Variants in CHEK1 observed in about 807,000 individuals in gnomAD.
CHEK1 encodes serine/threonine-protein kinase Chk1.
A neutral mutation model predicts 60.2 loss-of-function variants in CHEK1; 32 were observed. The observed-to-expected ratio is 0.53, with a 90% CI of 0.40 to 0.71. CHEK1 has a LOEUF of 0.71. CHEK1 is among the 30% of genes least tolerant of loss of function. CHEK1 has a pLI of 0.00. For synonymous variants in CHEK1, 179 were observed against 187.2 expected (o/e 0.96, Z 0.36); for missense variants, 399 against 564.6 (o/e 0.71, Z 2.97).
In CHEK1 at chr11:125,655,646, C is replaced by T. The variant is rs142447277; in HGVS notation, c.*326C>T. ...ATGAGTTTTCCAGCTTTTATACACA[C>T]GTATCTCATTTTTATCAAAACATTT... On this transcript the variant is annotated 3_prime_UTR_variant, in exon 13 of 13. Coordinates refer to ENST00000438015, the MANE Select transcript of CHEK1 (RefSeq NM_001114122.3). The T allele has an allele frequency of 1.4e-4, 35 of 244,692 alleles. No homozygotes were observed. Among genetic ancestry groups the T allele is most frequent in the African/African-American group, 7.7e-4 (35 of 45,574 alleles). The allele number at this position is 244,692 out of a possible 1,614,324, so 15.2% of individuals were successfully genotyped here.
downstream of CHEK1, among the ~76,000 whole-genome samples, chr11:125,659,511 TG>T (rs1591426219): frequency 1.3e-5 from 2 of 152,160 alleles, no homozygotes; most frequent in African/African-American, 2.4e-5. Flanking sequence ...CAAATTTTTA[TG>T]TGTACTATTT....
At chr11:125,627,526 G>C in intron 2 of CHEK1, 81 bp from the exon 3 acceptor site, 1 of 1,208,582 alleles carries the variant, frequency 8.3e-7, no homozygotes, top group South Asian at 1.6e-5. Flanking sequence ...AGGTAAAATC[G>C]TTTTGGATGA....
chr11:125,660,347 A>G (rs1161368678), downstream of CHEK1, among the ~76,000 whole-genome samples: 1 of 152,170 alleles, frequency 6.6e-6, no homozygotes, highest in Non-Finnish European at 1.5e-5. Context: ...AAGCATGTTA[A>G]AATTTACTAT....
intron 13 of CHEK1, among the ~76,000 whole-genome samples, chr11:125,666,965 T>C (rs770806679): frequency 5.2e-4 from 78 of 150,914 alleles, no homozygotes; most frequent in Non-Finnish European, 8.1e-4. Context: ...TTGTTGTTGT[T>C]GTTGTTTTGT....
intron 13 of CHEK1, chr11:125,671,397 A>T (rs1942199794): frequency 1.3e-5 from 2 of 152,004 alleles, no homozygotes; most frequent in South Asian, 4.1e-4. Flanking sequence ...ATACTATTTT[A>T]TCTAGGGGTA....
chr11:125,641,391 T>C (rs967725588), intron 8 of CHEK1, among the ~76,000 whole-genome samples: 2 of 152,206 alleles, frequency 1.3e-5, no homozygotes, highest in Non-Finnish European at 2.9e-5. Context: ...TCTATGGATC[T>C]CCTTTGTTTT....
At chr11:125,652,195 G>T (rs1269789189) in intron 11 of CHEK1, among the ~76,000 whole-genome samples, 1 of 152,200 alleles carries the variant, frequency 6.6e-6, no homozygotes, top group Non-Finnish European at 1.5e-5. Context: ...TCATCCAGCT[G>T]TAGTCATTTG....
At chr11:125,663,141 AAAAAC>A (rs1479728112) in intron 13 of CHEK1, among the ~76,000 whole-genome samples, 4 of 152,018 alleles carry the variant, frequency 2.6e-5, no homozygotes, top group Admixed American at 1.3e-4. Context: ...GTGAAAAAAA[AAAAAC>A]AAATATGTCT....
At chr11:125,676,945 A>T (rs1245047287), downstream of CHEK1, among the ~76,000 whole-genome samples, 1 of 152,008 alleles carries the variant, frequency 6.6e-6, no homozygotes, top group Admixed American at 6.6e-5. Flanking sequence ...GTCCTTCTCC[A>T]TTTTCAAATT....
chr11:125,672,390 TTGGAGCAGGGAAGAC>T, intron 13 of CHEK1: 1 of 530,918 alleles, frequency 1.9e-6, no homozygotes, highest in Non-Finnish European at 3.2e-6. Context: ...AGAGAAAGAG[TTGGAGCAGGGAAGAC>T]AGGACAGAGA....
chr11:125,626,286 C>T, intron 1 of CHEK1: 1 of 497,934 alleles, frequency 2.0e-6, no homozygotes, highest in Non-Finnish European at 3.6e-6. Flanking sequence ...AGTTTGGCCC[C>T]GCCCCGGCCT....
intron 8 of CHEK1, among the ~76,000 whole-genome samples, chr11:125,638,806 A>G (rs1417944081): frequency 6.6e-6 from 1 of 152,122 alleles, no homozygotes; most frequent in Non-Finnish European, 1.5e-5. Context: ...TATTTTCGTC[A>G]TGATTCTTGG....
At chr11:125,626,486 A>C (rs962313272) in intron 1 of CHEK1, 9 of 508,810 alleles carry the variant, frequency 1.8e-5, no homozygotes, top group Non-Finnish European at 2.8e-5. Context: ...TCTTCATAAC[A>C]ACAATTAATT....
At chr11:125,626,475 C>T (rs1204243636) in intron 1 of CHEK1, 1 of 492,220 alleles carries the variant, frequency 2.0e-6, no homozygotes, top group Admixed American at 3.5e-5. Flanking sequence ...TGTCTCCCAC[C>T]TCTTCATAAC....
At chr11:125,626,714 A>G (rs926560464) in intron 1 of CHEK1, 35 bp from the exon 2 acceptor site, 2 of 1,601,258 alleles carry the variant, frequency 1.2e-6, no homozygotes, top group Non-Finnish European at 1.7e-6. Context: ...GTGATCTTAC[A>G]CTCTACATCT....
At chr11:125,642,818 T>C (rs1485610281) in intron 8 of CHEK1, 1 of 152,216 alleles carries the variant, frequency 6.6e-6, no homozygotes, top group Non-Finnish European at 1.5e-5. Context: ...CTAATGGCTT[T>C]ATTTTTTCTC....
chr11:125,655,195 CATA>C (rs1941869521), intron 12 of CHEK1, 27 bp from the exon 13 acceptor site: 3 of 1,541,402 alleles, frequency 1.9e-6, no homozygotes, highest in Admixed American at 1.8e-5. Context: ...TTTGTTTTGA[CATA>C]ATTTTTTAAT....
At chr11:125,643,756 A>C (rs767868640) in intron 8 of CHEK1, 36 bp from the exon 9 acceptor site, 1 of 1,530,774 alleles carries the variant, frequency 6.5e-7, no homozygotes, top group East Asian at 2.3e-5. Flanking sequence ...CTTGCATAGA[A>C]GACTTGAAAG....
chr11:125,652,230 T>C (rs1042427886), intron 11 of CHEK1, among the ~76,000 whole-genome samples: 8 of 152,328 alleles, frequency 5.3e-5, no homozygotes, highest in African/African-American at 1.9e-4. Flanking sequence ...GCTGGTGGTC[T>C]AAAACATCCT....
Sources: gnomAD v4.1 joint callset for allele counts (sites outside exome capture counted in the v4.1 genomes callset) on GRCh38, gnomAD v4.1.1 for gene constraint, MANE v1.5 for transcripts, NCBI Gene and HGNC (gene_info 2026-07-23, HGNC 2026-07-21) for gene names.